The following SPATA31H1 variants were observed in gnomAD, a reference collection of about 807,000 sequenced individuals.
SPATA31H1 encodes the protein spermatogenesis-associated protein 31H1.
At chr2:27,563,562 A>AT in the SPATA31H1 span, among the ~76,000 whole-genome samples, 4,862 of 138,188 alleles carry the variant, frequency 0.035, 255 homozygotes, top group African/African-American at 0.12. Flanking sequence ...CACCCAGCTA[A>AT]TTTTTTTTTT....
At chr2:27,541,394 C>T in the SPATA31H1 span, among the ~76,000 whole-genome samples, 4 of 149,500 alleles carry the variant, frequency 2.7e-5, no homozygotes, top group Admixed American at 1.3e-4. Context: ...GGAAGGAGAC[C>T]GTGGGAAGGG....
At chr2:27,539,580 A>G in the SPATA31H1 span, among the ~76,000 whole-genome samples, 2 of 115,810 alleles carry the variant, frequency 1.7e-5, no homozygotes, top group South Asian at 3.1e-4. Context: ...CCGCCTTTCT[A>G]TTCCACAAAA....
At chr2:27,569,256 C>T in the SPATA31H1 span, 1 of 398,980 alleles carries the variant, frequency 2.5e-6, no homozygotes, top group Non-Finnish European at 4.4e-6. Context: ...AGAGCCACAG[C>T]CCCATGATAT....
chr2:27,581,726 T>C, the SPATA31H1 span: 1 of 1,612,518 alleles, frequency 6.2e-7, no homozygotes, highest in Admixed American at 1.7e-5. Flanking sequence ...AGAGAAGCCA[T>C]CGCAGTCCCG....
the SPATA31H1 span, among the ~76,000 whole-genome samples, chr2:27,553,642 C>T: frequency 1.6e-4 from 24 of 152,210 alleles, no homozygotes; most frequent in South Asian, 4.6e-3. Context: ...CATTAGCTGG[C>T]CGGGCATGGT....
the SPATA31H1 span, among the ~76,000 whole-genome samples, chr2:27,552,373 G>C: frequency 6.6e-6 from 1 of 151,788 alleles, no homozygotes; most frequent in African/African-American, 2.4e-5. Context: ...TAATGGTCTT[G>C]TTACCCTTAT....
chr2:27,576,146 G>A, the SPATA31H1 span: 23 of 403,200 alleles, frequency 5.7e-5, no homozygotes, highest in Admixed American at 3.3e-4. Context: ...GCAAACTTGC[G>A]CCACACTTGC....
chr2:27,551,384 C>A, the SPATA31H1 span, among the ~76,000 whole-genome samples: 1 of 152,148 alleles, frequency 6.6e-6, no homozygotes, highest in African/African-American at 2.4e-5. Flanking sequence ...ATGAGAGACA[C>A]CCCTAACACA....
the SPATA31H1 span, chr2:27,578,794 C>T: frequency 6.2e-7 from 1 of 1,614,162 alleles, no homozygotes; most frequent in Non-Finnish European, 8.5e-7. Context: ...ACACTCATTT[C>T]AAGCTCTGTC....
the SPATA31H1 span, chr2:27,577,383 C>T: frequency 2.5e-6 from 4 of 1,613,954 alleles, no homozygotes; most frequent in African/African-American, 5.3e-5. The surrounding 1 kb of genome is among the most constrained non-coding windows in gnomAD (Gnocchi z 4.5). Flanking sequence ...GGAACTCAAG[C>T]ATTACTTTAC....
At chr2:27,569,020 C>A in the SPATA31H1 span, 3 of 398,994 alleles carry the variant, frequency 7.5e-6, no homozygotes, top group Admixed American at 1.3e-4. Context: ...GTGGAAAAAT[C>A]TATTGGGTTG....
At chr2:27,577,915 T>TG in the SPATA31H1 span, 1 of 1,614,120 alleles carries the variant, frequency 6.2e-7, no homozygotes. This position sits in a 1 kb window ranked among gnomAD's most constrained non-coding sequence, Gnocchi z 4.5. Flanking sequence ...GAGGTATCAA[T>TG]GGGGCTAACA....
the SPATA31H1 span, among the ~76,000 whole-genome samples, chr2:27,545,294 A>G: frequency 3.9e-5 from 6 of 151,958 alleles, no homozygotes; most frequent in African/African-American, 1.5e-4. Context: ...AAGTGCTGGG[A>G]TTACAGGTGT....
the SPATA31H1 span, chr2:27,578,000 G>A: frequency 3.7e-6 from 6 of 1,614,126 alleles, no homozygotes; most frequent in Non-Finnish European, 5.1e-6. The surrounding 1 kb of genome is among the most constrained non-coding windows in gnomAD (Gnocchi z 4.5). Flanking sequence ...AATTTATGAG[G>A]ATTAGTCCAG....
chr2:27,571,435 C>T, the SPATA31H1 span: 2 of 398,450 alleles, frequency 5.0e-6, no homozygotes, highest in Non-Finnish European at 8.9e-6. Flanking sequence ...GTGGAATTCA[C>T]CCCTGATTCT....
the SPATA31H1 span, among the ~76,000 whole-genome samples, chr2:27,561,882 G>A: frequency 6.6e-6 from 1 of 152,104 alleles, no homozygotes; most frequent in African/African-American, 2.4e-5. Flanking sequence ...GTATTTTTTT[G>A]TAGAGATGGG....
chr2:27,543,980 A>G, the SPATA31H1 span, among the ~76,000 whole-genome samples: 2 of 151,794 alleles, frequency 1.3e-5, no homozygotes, highest in African/African-American at 4.9e-5. Flanking sequence ...GTCCTGAAAA[A>G]CTAAGTCCCT....
the SPATA31H1 span, chr2:27,570,579 C>T: frequency 2.5e-6 from 1 of 398,874 alleles, no homozygotes; most frequent in Non-Finnish European, 4.4e-6. Flanking sequence ...AGAGCTGCAG[C>T]TACAAGATGT....
the SPATA31H1 span, among the ~76,000 whole-genome samples, chr2:27,550,532 C>T: frequency 6.7e-6 from 1 of 149,276 alleles, no homozygotes; most frequent in Non-Finnish European, 1.5e-5. Context: ...GATTCTTGTG[C>T]CTCAGTCTCC....
Sources: allele counts gnomAD v4.1 joint callset (sites outside exome capture counted in the v4.1 genomes callset), GRCh38; gene constraint gnomAD v4.1.1; non-coding constraint Gnocchi (gnomAD v3.1); transcripts MANE v1.5; gene names NCBI Gene and HGNC (gene_info 2026-07-23, HGNC 2026-07-21).